Variants in PHTF2 observed in about 807,000 individuals in gnomAD.
The protein encoded by PHTF2 is protein PHTF2.
PHTF2 carries 60 observed loss-of-function variants against 101.2 expected under a neutral mutation model. The observed-to-expected ratio is 0.59, with a 90% CI of 0.48 to 0.73. The LOEUF (loss-of-function observed/expected upper bound fraction) is 0.73. Among genes scored for constraint, PHTF2 ranks in the 30% least tolerant of loss-of-function variants. The probability of loss-of-function intolerance (pLI) is 0.00; values close to 1 mark genes in which losing one functional copy is unlikely to be tolerated. For synonymous variants in PHTF2, 311 were observed against 307.3 expected (o/e 1.01, Z -0.13); for missense variants, 747 against 908.7 (o/e 0.82, Z 2.29).
At chr7:77,919,635 T>G (rs1222578434) in intron 9 of PHTF2, among the ~76,000 whole-genome samples, 1 of 152,212 alleles carries the variant, frequency 6.6e-6, no homozygotes, top group African/African-American at 2.4e-5. Flanking sequence ...TTTATTCTTA[T>G]AAATTCCTCA....
chr7:77,835,608 AC>A (rs1795396103), intron 1 of PHTF2, among the ~76,000 whole-genome samples: 1 of 152,156 alleles, frequency 6.6e-6, no homozygotes, highest in African/African-American at 2.4e-5. Flanking sequence ...TATACTGTTG[AC>A]CCTTGAACAA....
intron 3 of PHTF2, among the ~76,000 whole-genome samples, chr7:77,886,455 C>T (rs529381007): frequency 6.6e-6 from 1 of 152,120 alleles, no homozygotes; most frequent in Non-Finnish European, 1.5e-5. Context: ...CGTTTCTTTA[C>T]GCTTTTCTTT....
intron 1 of PHTF2, among the ~76,000 whole-genome samples, chr7:77,812,717 G>A (rs937383190): frequency 2.6e-5 from 4 of 151,876 alleles, no homozygotes; most frequent in African/African-American, 9.7e-5. Context: ...AGCCTCCCAA[G>A]TAGCTGGGAC....
chr7:77,955,386 C>G (rs1806930163), exon 20 of PHTF2: 2 of 152,618 alleles, frequency 1.3e-5, no homozygotes, highest in Non-Finnish European at 2.9e-5. Context: ...GATTAAGTTA[C>G]AGTTTAAGCA....
chr7:77,853,802 T>C (rs144790991), intron 2 of PHTF2, among the ~76,000 whole-genome samples: 134 of 152,244 alleles, frequency 8.8e-4, no homozygotes, highest in Admixed American at 1.9e-3. Context: ...ATTTCAATCT[T>C]ATTGTTAAAT....
intron 3 of PHTF2, among the ~76,000 whole-genome samples, chr7:77,863,421 C>T (rs1797801687): frequency 6.6e-6 from 1 of 152,108 alleles, no homozygotes; most frequent in South Asian, 2.1e-4. Flanking sequence ...CTGTTTTGTC[C>T]ACTGTGACAC....
At chr7:77,867,817 TA>T (rs1798190607) in intron 3 of PHTF2, among the ~76,000 whole-genome samples, 1 of 152,154 alleles carries the variant, frequency 6.6e-6, no homozygotes, top group African/African-American at 2.4e-5. Flanking sequence ...AGTAAATACT[TA>T]ATCTACAGCT....
chr7:77,818,353 AT>A (rs1167734852), intron 1 of PHTF2, among the ~76,000 whole-genome samples: 2 of 152,126 alleles, frequency 1.3e-5, no homozygotes, highest in Non-Finnish European at 2.9e-5. Context: ...GCCCTGAAGC[AT>A]TTCTGCTGTT....
rs373954486 is a variant in PHTF2 at position 77,847,485 on chromosome 7, T to C, written c.45+7185T>C. 8.5e-5 allele frequency among the ~76,000 whole-genome samples: 13 copies of C among 152,326 alleles called. No individual in the cohort carries two copies. In the East Asian group the frequency reaches 9.6e-4, roughly 11 times the overall value. ...TTTTTCTGAGCCTTAGTTTTTTCTT[T>C]TGTAAGCTGCAGATAGTAATGCTTC... On this transcript the variant is annotated intron_variant, in intron 2 of 19. Transcript: ENST00000416283.
chr7:77,934,046 TAAGCTC>T (rs1804861056), intron 12 of PHTF2, among the ~76,000 whole-genome samples: 1 of 152,200 alleles, frequency 6.6e-6, no homozygotes, highest in Non-Finnish European at 1.5e-5. Context: ...TTTCAAAAAA[TAAGCTC>T]ATGCTTTTAG....
At chr7:77,892,804 A>G (rs1463134038) in intron 3 of PHTF2, among the ~76,000 whole-genome samples, 1 of 152,258 alleles carries the variant, frequency 6.6e-6, no homozygotes, top group South Asian at 2.1e-4. Flanking sequence ...TAATAAAAAT[A>G]GAAGCTGTAA....
intron 9 of PHTF2, among the ~76,000 whole-genome samples, chr7:77,919,302 A>T (rs1803225762): frequency 6.6e-6 from 1 of 152,148 alleles, no homozygotes; most frequent in South Asian, 2.1e-4. Context: ...GTATGTGTGC[A>T]TTTTTAAAAA....
chr7:77,875,788 A>G (rs907090481), intron 3 of PHTF2, among the ~76,000 whole-genome samples: 4 of 151,988 alleles, frequency 2.6e-5, no homozygotes, highest in African/African-American at 7.2e-5. Flanking sequence ...TGATCTCCTG[A>G]CCTCGTGATC....
At chr7:77,802,518 C>A (rs1463965710) in intron 1 of PHTF2, among the ~76,000 whole-genome samples, 1 of 151,464 alleles carries the variant, frequency 6.6e-6, no homozygotes, top group Non-Finnish European at 1.5e-5. Flanking sequence ...TTTTCTTAAT[C>A]CCTACTTGAT....
At chr7:77,936,973 C>T (rs573458152) in intron 12 of PHTF2, among the ~76,000 whole-genome samples, 5 of 151,646 alleles carry the variant, frequency 3.3e-5, no homozygotes, top group East Asian at 1.9e-4. Flanking sequence ...GGTGAAACCC[C>T]GTCTCTACTA....
intron 3 of PHTF2, among the ~76,000 whole-genome samples, chr7:77,866,182 T>C (rs1327330699): frequency 5.8e-5 from 5 of 85,526 alleles, no homozygotes; most frequent in East Asian, 2.8e-4. Flanking sequence ...AGACTACCTC[T>C]CCAAAAAAAA....
intron 9 of PHTF2, among the ~76,000 whole-genome samples, chr7:77,917,720 T>G (rs1803064249): frequency 6.6e-6 from 1 of 152,232 alleles, no homozygotes; most frequent in Non-Finnish European, 1.5e-5. Flanking sequence ...CTTCCATTAT[T>G]GACTATCACT....
chr7:77,854,358 C>T (rs146957285), intron 2 of PHTF2, among the ~76,000 whole-genome samples: 67 of 152,220 alleles, frequency 4.4e-4, no homozygotes, highest in African/African-American at 1.5e-3. Context: ...ATGCATGCAC[C>T]CCTTTGGCTA....
At chr7:77,911,257 AACTATACAAAAAT>A (rs1802368737) in intron 9 of PHTF2, among the ~76,000 whole-genome samples, 1 of 151,914 alleles carries the variant, frequency 6.6e-6, no homozygotes, top group African/African-American at 2.4e-5. Context: ...TTTTGCATAC[AACTATACAAAAAT>A]GGCTTTTTGC....
Sources: gnomAD v4.1 joint callset for allele counts (sites outside exome capture counted in the v4.1 genomes callset) on GRCh38, gnomAD v4.1.1 for gene constraint, MANE v1.5 for transcripts, NCBI Gene and HGNC (gene_info 2026-07-23, HGNC 2026-07-21) for gene names.